Variants in L3MBTL4 observed in about 807,000 individuals in gnomAD.
L3MBTL4 encodes lethal(3)malignant brain tumor-like protein 4.
In L3MBTL4, 70 loss-of-function variants were observed where a neutral mutation model predicts 84.5. That is an observed-to-expected ratio of 0.83 (90% CI 0.68 to 1.01). L3MBTL4 has a LOEUF of 1.01. Among genes scored for constraint, L3MBTL4 ranks in the 50% least tolerant of loss-of-function variants. L3MBTL4 has a pLI of 0.00. For synonymous variants in L3MBTL4, 274 were observed against 259.8 expected, an observed-to-expected ratio of 1.05 and a Z score of -0.52; for missense variants, 715 against 754.8, an observed-to-expected ratio of 0.95 and a Z score of 0.62.
At chr18:6,345,227 A>C (rs1194671516) in intron 1 of L3MBTL4, among the ~76,000 whole-genome samples, 1 of 133,412 alleles carries the variant, frequency 7.5e-6, no homozygotes, top group Non-Finnish European at 1.5e-5. Context: ...AAAAAAAAAA[A>C]AAAAAAAAAG....
At chr18:6,111,501 G>T (rs954098659) in intron 14 of L3MBTL4, among the ~76,000 whole-genome samples, 1 of 152,104 alleles carries the variant, frequency 6.6e-6, no homozygotes, top group Admixed American at 6.5e-5. Flanking sequence ...GATATCACTT[G>T]CATATTGAGG....
chr18:6,386,228 GA>G (rs1174391741), intron 1 of L3MBTL4, among the ~76,000 whole-genome samples: 3 of 152,022 alleles, frequency 2.0e-5, no homozygotes, highest in Non-Finnish European at 4.4e-5. Flanking sequence ...AGTAGAGAAA[GA>G]AAAAAAATAT....
At chr18:6,057,874 T>G (rs942301641) in intron 16 of L3MBTL4, among the ~76,000 whole-genome samples, 1 of 152,234 alleles carries the variant, frequency 6.6e-6, no homozygotes, top group African/African-American at 2.4e-5. Flanking sequence ...ATATCAGGTA[T>G]AGTTCCTAAG....
intron 16 of L3MBTL4, among the ~76,000 whole-genome samples, chr18:5,982,977 C>A (rs1230468453): frequency 6.6e-6 from 1 of 152,130 alleles, no homozygotes; most frequent in Non-Finnish European, 1.5e-5. Context: ...ATTGAGGAAA[C>A]CGGCTGAAGG....
At chr18:6,144,725 C>T (rs576540122) in intron 13 of L3MBTL4, among the ~76,000 whole-genome samples, 14 of 152,094 alleles carry the variant, frequency 9.2e-5, no homozygotes, top group Non-Finnish European at 1.8e-4. Flanking sequence ...ATAACAGGAC[C>T]GAAGGGAAAG....
intron 1 of L3MBTL4, among the ~76,000 whole-genome samples, chr18:6,405,723 G>C (rs2055707456): frequency 6.6e-6 from 1 of 152,228 alleles, no homozygotes. Flanking sequence ...GAATAGTAAG[G>C]CATTTCTAAG....
In L3MBTL4 at chr18:6,295,601, G is replaced by T. The variant is rs151308054; in HGVS notation, c.127+6302C>A. Among the ~76,000 whole-genome samples the T allele has an allele frequency of 8.3e-4, 126 of 152,048 alleles. 4 individuals are homozygous for T. In the East Asian group the frequency reaches 0.023, roughly 28 times the overall value. On this transcript the variant is annotated intron_variant, in intron 4 of 18. Coordinates refer to ENST00000317931, the MANE Select transcript of L3MBTL4 (RefSeq NM_001330559.2). Reference sequence around the variant, plus strand: ...CTTATAAACCAGTATCAAGAGCAAAGAAATTATTTGAACATACTGAAAACT... The same window carrying T: ...CTTATAAACCAGTATCAAGAGCAAATAAATTATTTGAACATACTGAAAACT...
At chr18:6,009,593 G>A (rs914217655) in intron 16 of L3MBTL4, among the ~76,000 whole-genome samples, 8 of 152,168 alleles carry the variant, frequency 5.3e-5, no homozygotes, top group African/African-American at 1.9e-4. Context: ...ATAAAATGGT[G>A]TGTATCTGCA....
chr18:6,116,720 G>A (rs1336278003), intron 14 of L3MBTL4, among the ~76,000 whole-genome samples: 1 of 152,118 alleles, frequency 6.6e-6, no homozygotes. Context: ...ATTTGGACAT[G>A]ATTAAGTTTT....
At chr18:5,973,536 C>CT (rs5822883) in intron 16 of L3MBTL4, among the ~76,000 whole-genome samples, 25,047 of 152,000 alleles carry the variant, frequency 0.16, 4,064 homozygotes, top group African/African-American at 0.41. Context: ...CTGATTTTAA[C>CT]TTTTTTTTAC....
At chr18:6,047,180 C>CTT (rs1209556694) in intron 16 of L3MBTL4, among the ~76,000 whole-genome samples, 1 of 152,050 alleles carries the variant, frequency 6.6e-6, no homozygotes, top group Non-Finnish European at 1.5e-5. Context: ...AACACATAAC[C>CTT]TCCCCAGATT....
intron 13 of L3MBTL4, among the ~76,000 whole-genome samples, chr18:6,157,652 A>G (rs16949518): frequency 0.051 from 7,814 of 152,176 alleles, 677 homozygotes; most frequent in African/African-American, 0.18. Flanking sequence ...GTTATGTGCT[A>G]TTATGCCTGT....
At chr18:5,993,521 C>A (rs562856144) in intron 16 of L3MBTL4, among the ~76,000 whole-genome samples, 68 of 152,060 alleles carry the variant, frequency 4.5e-4, no homozygotes, top group African/African-American at 1.6e-3. Context: ...GATGAGCTAA[C>A]CTGGACAAGC....
chr18:6,075,574 A>T (rs1393087536), intron 16 of L3MBTL4, among the ~76,000 whole-genome samples: 1 of 152,168 alleles, frequency 6.6e-6, no homozygotes, highest in Non-Finnish European at 1.5e-5. Context: ...AAAAATAAAG[A>T]TTCTAGAATA....
intron 14 of L3MBTL4, among the ~76,000 whole-genome samples, chr18:6,094,911 A>G (rs1269698700): frequency 6.6e-6 from 1 of 152,092 alleles, no homozygotes. Flanking sequence ...TACAGAGAGA[A>G]GGGCGCCTTT....
intron 16 of L3MBTL4, among the ~76,000 whole-genome samples, chr18:6,071,740 G>A (rs796312747): frequency 0.14 from 5,484 of 38,918 alleles, 168 homozygotes; most frequent in Admixed American, 0.23. Context: ...AAAGAAAGAA[G>A]GAAGGAAAGA....
intron 16 of L3MBTL4, among the ~76,000 whole-genome samples, chr18:6,009,207 G>A (rs1598423550): frequency 1.3e-5 from 2 of 152,210 alleles, no homozygotes; most frequent in African/African-American, 4.8e-5. Flanking sequence ...CAACCTAAAC[G>A]TAAGGGCCAG....
rs185380272 is a variant in L3MBTL4 at position 6,375,069 on chromosome 18, A to T, written c.-91+39732T>A. 7.4e-4 allele frequency among the ~76,000 whole-genome samples: 112 copies of T among 152,294 alleles called. 1 individual carries two copies. The East Asian group carries it at 0.018, about 24-fold the overall frequency. ...TCGGGCTGCTCTTGCAGTGTAACGCAGTCTGATCTGCAGAATTAATTCAGA... is the reference window on the plus strand; with the variant it reads ...TCGGGCTGCTCTTGCAGTGTAACGCTGTCTGATCTGCAGAATTAATTCAGA... On this transcript the variant is annotated intron_variant, in intron 1 of 18. Coordinates refer to ENST00000317931, the MANE Select transcript of L3MBTL4 (RefSeq NM_001330559.2).
chr18:6,031,363 T>A (rs1174214012), intron 16 of L3MBTL4: 2 of 985,342 alleles, frequency 2.0e-6, no homozygotes, highest in Non-Finnish European at 2.4e-6. Context: ...CACCTTATTG[T>A]AGATAGCAAG....
Sources: gnomAD v4.1 joint callset for allele counts (sites outside exome capture counted in the v4.1 genomes callset) on GRCh38, gnomAD v4.1.1 for gene constraint, MANE v1.5 for transcripts, NCBI Gene and HGNC (gene_info 2026-07-23, HGNC 2026-07-21) for gene names.